The following GOLGA8J variants were observed in gnomAD, a reference collection of about 807,000 sequenced individuals.
The protein encoded by GOLGA8J is golgin subfamily A member 8J.
Under a neutral mutation model 67.7 loss-of-function variants are expected in GOLGA8J, and 19 were observed. That is an observed-to-expected ratio of 0.28 (90% CI 0.20 to 0.41). The LOEUF is 0.41. Among genes scored for constraint, GOLGA8J ranks in the 10% least tolerant of loss-of-function variants. The pLI is 1.00. For missense variants in GOLGA8J, 205 were observed against 584.3 expected (o/e 0.35, Z 6.69); for synonymous variants, 69 against 215.9 (o/e 0.32, Z 5.97).
rs1471039209 is a variant in GOLGA8J at position 30,095,563 on chromosome 15, C to T, written c.*2064C>T. 1.5e-5 allele frequency among the ~76,000 whole-genome samples: 2 copies of T among 129,484 alleles called. No individual in the cohort carries two copies. Among genetic ancestry groups the T allele is most frequent in the Admixed American group, 7.8e-5 (1 of 12,900 alleles). 84.9% of individuals were successfully genotyped at this position (129,484 alleles called of 152,430 possible). A position where few individuals can be genotyped will look rare whatever the true frequency, so the allele number is the denominator to read the frequency against. On this transcript the variant is annotated 3_prime_UTR_variant, in exon 19 of 19. Coordinates refer to ENST00000567927, the MANE Select transcript of GOLGA8J (RefSeq NM_001282472.2). ...CTCGCCTTTTATTTTCTGAACTTGC[C>T]GCTTTTGCATTCTTTGAGTTCAGTT...
rs2057455508 is a variant in GOLGA8J at position 30,095,137 on chromosome 15, A to G, written c.*1638A>G. Among the ~76,000 whole-genome samples, 1 of 146,024 alleles carries G rather than the reference A, an allele frequency of 6.8e-6. No individual in the cohort carries two copies. Among genetic ancestry groups the G allele is most frequent in the Non-Finnish European group, 1.5e-5 (1 of 67,366 alleles). On this transcript the variant is annotated 3_prime_UTR_variant, in exon 19 of 19. Coordinates refer to ENST00000567927, the MANE Select transcript of GOLGA8J (RefSeq NM_001282472.2). The stretch of plus-strand genomic sequence containing the variant: ...GCTTGGGAAAGACTCAACAGTTAAA[A>G]CTTCATGAAGTTCTAATGTCTGTGT...
intron 13 of GOLGA8J, 165 bp downstream of exon 13, chr15:30,090,445 A>T (rs565774584): frequency 2.1e-6 from 2 of 941,200 alleles, no homozygotes; most frequent in East Asian, 2.3e-4. Context: ...CCTGCCTCTG[A>T]CTTTTAAAGG....
Position 30,084,839 on chromosome 15 carries a change from T to C in GOLGA8J, c.117T>C (p.Asn39=). ...GAGCGAACAGGAACAGGAAAACAAA[T>C]GGCAGTATCCCTGAGAAAGCCACTT... ...PAGANRNRKT[N]GSIPEKATSG... Residue 39 remains asparagine, a synonymous_variant, in exon 2 of 19, where the codon AAT becomes AAC. Coordinates refer to ENST00000567927, the MANE Select transcript of GOLGA8J (RefSeq NM_001282472.2). 1.4e-5 allele frequency: 20 copies of C among 1,381,604 alleles called. No homozygotes were observed. The highest frequency in any genetic ancestry group is 1.4e-5 in the Non-Finnish European group (15 of 1,064,066). The allele number at this position is 1,381,604 out of a possible 1,614,324, so 85.6% of individuals were successfully genotyped here. A position where few individuals can be genotyped will look rare whatever the true frequency, so the allele number is the denominator to read the frequency against.
chr15:30,089,949 A>T lies in GOLGA8J; in HGVS notation c.1124A>T (p.Lys375Met), dbSNP rs1257487085. The change falls in exon 12 of 19, where the codon AAG becomes ATG. Residue 375 changes from lysine to methionine, a missense_variant. Transcript: ENST00000567927. Reference sequence around the variant, plus strand: ...CTGGCCAAGCCACAGAGCGTCTTCAAGGAGCCGGTGCGTTGCCCAAACTGG... The same window carrying T: ...CTGGCCAAGCCACAGAGCGTCTTCATGGAGCCGGTGCGTTGCCCAAACTGG... Reference protein sequence around the residue: ...QQLAKPQSVFKEPNNENKNAL... With the variant: ...QQLAKPQSVFMEPNNENKNAL... The T allele has an allele frequency of 3.3e-6, 5 of 1,534,718 alleles. No individual in the cohort carries two copies. The Admixed American group carries it at 8.9e-5, about 27-fold the overall frequency.
At chr15:30,085,287 A>G (rs2057338461) in intron 2 of GOLGA8J, among the ~76,000 whole-genome samples, 1 of 105,046 alleles carries the variant, frequency 9.5e-6, no homozygotes, top group Admixed American at 8.5e-5. Flanking sequence ...CTCAAAGAAA[A>G]AAAAAAAAAG....
At position 30,092,939 on chromosome 15, in the gene GOLGA8J, G is replaced by C; in HGVS notation, c.1518G>C (p.Ala506=). The C allele has an allele frequency of 1.3e-6, 2 of 1,483,064 alleles. No homozygotes were observed. Among genetic ancestry groups the C allele is most frequent in the Non-Finnish European group, 1.8e-6 (2 of 1,115,900 alleles). The allele number at this position is 1,483,064 out of a possible 1,614,324, so 91.9% of individuals were successfully genotyped here. The change falls in exon 17 of 19, where the codon GCG becomes GCC. Residue 506 remains alanine, a synonymous_variant. Coordinates refer to ENST00000567927, the MANE Select transcript of GOLGA8J (RefSeq NM_001282472.2). ...LSEPGGRAKD[A]ALGGGHHQAG... Reference sequence around the variant, plus strand: ...AACCAGGGGGCCGTGCCAAAGATGCGGCACTGGGAGGAGGACACCATCAGG... The same window carrying C: ...AACCAGGGGGCCGTGCCAAAGATGCCGCACTGGGAGGAGGACACCATCAGG...
chr15:30,092,288 G>T (rs1341943414), intron 15 of GOLGA8J, among the ~76,000 whole-genome samples, 155 bp downstream of exon 15: 25 of 142,476 alleles, frequency 1.8e-4, no homozygotes, highest in South Asian at 1.4e-3. Context: ...GTGGCCAACA[G>T]GTGCACTCTC....
rs1318086778 is a variant in GOLGA8J, at chr15:30,084,961, G to A, written c.168+71G>A. 6 of 1,476,028 alleles carry A rather than the reference G, an allele frequency of 4.1e-6. 2 individuals carry two copies. Among genetic ancestry groups the A allele is most frequent in the Non-Finnish European group, 5.3e-6 (6 of 1,128,644 alleles). 91.4% of individuals were successfully genotyped at this position (1,476,028 alleles called of 1,614,324 possible). On this transcript the variant is annotated intron_variant, in intron 2 of 18. Coordinates refer to ENST00000567927, the MANE Select transcript of GOLGA8J (RefSeq NM_001282472.2). Reference sequence around the variant, plus strand: ...GCAGTAGAGGGTAATTGTTAAGATTGTGGATGGACTGCTGGGTACTGGTTA... The same window carrying A: ...GCAGTAGAGGGTAATTGTTAAGATTATGGATGGACTGCTGGGTACTGGTTA...
chr15:30,088,110 T>G, intron 8 of GOLGA8J: 3 of 419,444 alleles, frequency 7.2e-6, no homozygotes, highest in Non-Finnish European at 9.0e-6. Flanking sequence ...AAAACATGTC[T>G]GCAAGGGTTC....
Position 30,094,854 on chromosome 15 carries a change from GAGA to G in GOLGA8J, c.*1358_*1360del, listed in dbSNP as rs927088213. ...TATTGTACTCTCTTTGAAAATCAAG[GAGA>G]AGTTTATGAAACTTAAAATGTGTAC... On this transcript the variant is annotated 3_prime_UTR_variant, in exon 19 of 19. Transcript: ENST00000567927. Among the ~76,000 whole-genome samples the G allele has an allele frequency of 6.5e-4, 91 of 139,370 alleles. 1 individual carries two copies. Among genetic ancestry groups the G allele is most frequent in the African/African-American group, 2.7e-3 (85 of 31,936 alleles). 91.4% of individuals were successfully genotyped at this position (139,370 alleles called of 152,430 possible).
rs753415144 is a variant in GOLGA8J at position 30,093,283 on chromosome 15, G to T, written c.1724-41G>T. 1.5e-5 allele frequency: 23 copies of T among 1,567,828 alleles called. 1 individual carries two copies. In the Admixed American group the frequency reaches 2.9e-4, roughly 20 times the overall value. ...TGGGGTGGGCAGGCAGGAAGAGGGG[G>T]CTCCCACTGTGCTCAGATCCCTGCC... On this transcript the variant is annotated intron_variant, in intron 18 of 18. Transcript: ENST00000567927.
chr15:30,087,769 A>C lies in GOLGA8J; in HGVS notation c.591+85A>C, dbSNP rs2912166. 631 of 669,296 alleles carry C rather than the reference A, an allele frequency of 9.4e-4. 13 individuals are homozygous for C. The highest frequency in any genetic ancestry group is 6.1e-3 in the African/African-American group (295 of 48,258). The allele number at this position is 669,296 out of a possible 1,614,324, so 41.5% of individuals were successfully genotyped here. A position where few individuals can be genotyped will look rare whatever the true frequency, so the allele number is the denominator to read the frequency against. ...CCTAAAGGTCCCTTCTGCAGGATGG[A>C]GTGTCCTGCCCAGAAGGCAGCATGG... On this transcript the variant is annotated intron_variant, in intron 8 of 18. Coordinates refer to ENST00000567927, the MANE Select transcript of GOLGA8J (RefSeq NM_001282472.2).
Position 30,089,795 on chromosome 15 carries a change from G to C in GOLGA8J, c.970G>C (p.Ala324Pro). 6.4e-7 allele frequency: 1 copy of C among 1,557,350 alleles called. No individual in the cohort carries two copies. ...ELERVAGELQAQVKNNQRISL... is the reference protein window; with the variant it reads ...ELERVAGELQPQVKNNQRISL... ...AGAGAGAGTGGCAGGAGAGCTCCAG[G>C]CCCAGGTCAAAAACAATCAGCGCAT... The change falls in exon 12 of 19, where the codon GCC becomes CCC. Residue 324 changes from alanine (A) to proline (P), a missense_variant. Coordinates refer to ENST00000567927, the MANE Select transcript of GOLGA8J (RefSeq NM_001282472.2).
In GOLGA8J at chr15:30,089,887, G is replaced by A. The variant is rs1323754541; in HGVS notation, c.1062G>A (p.Glu354=). ...AGGAAGAGAGGCTTCGGAAGCAGGA[G>A]GAGAGGATTCAGGAGCAGCACAAGA... is the stretch of plus-strand genomic sequence containing the variant. The part of the protein sequence containing the change: ...REQEERLRKQ[E]ERIQEQHKSL... The change falls in exon 12 of 19, where the codon GAG becomes GAA. Residue 354 remains glutamate (E), a synonymous_variant. Coordinates refer to ENST00000567927, the MANE Select transcript of GOLGA8J (RefSeq NM_001282472.2). The A allele has an allele frequency of 9.2e-6, 14 of 1,528,292 alleles. 3 individuals are homozygous for A. The highest frequency in any genetic ancestry group is 1.1e-5 in the Non-Finnish European group (13 of 1,145,710). 94.7% of individuals were successfully genotyped at this position (1,528,292 alleles called of 1,614,324 possible).
Position 30,093,374 on chromosome 15 carries a change from G to A in GOLGA8J, c.1774G>A (p.Asp592Asn). ...CTCTGCCCAAGGAGAGGCCAGGGAG[G>A]ATCCTCTCCTTGACAAGCCTACTGC... ...TSSAQGEARE[D>N]PLLDKPTAQP... is the part of the protein sequence containing the mutation. Residue 592 changes from aspartate (D) to asparagine (N), a missense_variant, in exon 19 of 19, where the codon GAT (aspartate) becomes AAT (asparagine). Asp to Asn is a conservative substitution (Grantham distance 23). Coordinates refer to ENST00000567927, the MANE Select transcript of GOLGA8J (RefSeq NM_001282472.2). 1 of 1,519,694 alleles carries A rather than the reference G, an allele frequency of 6.6e-7. No homozygotes were observed. The highest frequency in any genetic ancestry group is 8.8e-7 in the Non-Finnish European group (1 of 1,137,590). 94.1% of individuals were successfully genotyped at this position (1,519,694 alleles called of 1,614,324 possible).
rs576300893 is a variant in GOLGA8J at position 30,095,501 on chromosome 15, G to C, written c.*2002G>C. ...CAGCTAATTAACAGTGGTACGATTT[G>C]TAGCCCGTGGGTTTAAAATGCACTT... On this transcript the variant is annotated 3_prime_UTR_variant, in exon 19 of 19. Coordinates refer to ENST00000567927, the MANE Select transcript of GOLGA8J (RefSeq NM_001282472.2). 2.8e-3 allele frequency among the ~76,000 whole-genome samples: 403 copies of C among 144,912 alleles called. 6 individuals are homozygous for C. The highest frequency in any genetic ancestry group is 1.0e-2 in the African/African-American group (380 of 38,090).
intron 2 of GOLGA8J, 48 bp downstream of exon 2, chr15:30,084,938 A>G: frequency 6.7e-7 from 1 of 1,494,666 alleles, no homozygotes; most frequent in Non-Finnish European, 8.8e-7. Flanking sequence ...CCCAAGGGGC[A>G]GTAGAGGGTA....
intron 13 of GOLGA8J, among the ~76,000 whole-genome samples, chr15:30,090,799 G>A (rs2057393338): frequency 7.9e-6 from 1 of 126,746 alleles, no homozygotes; most frequent in Admixed American, 7.5e-5. Context: ...GGAGGTTGCA[G>A]TGAGCTGAGA....
rs1456733723 is a variant in GOLGA8J, at chr15:30,096,174, T to C, written c.*2675T>C. ...TAAACTGTGAGTTCCACTGAATACA[T>C]TTTAATGTCTGTAGGAAGAATCAAA... On this transcript the variant is annotated 3_prime_UTR_variant, in exon 19 of 19. Coordinates refer to ENST00000567927, the MANE Select transcript of GOLGA8J (RefSeq NM_001282472.2). Among the ~76,000 whole-genome samples, 1 of 148,140 alleles carries C rather than the reference T, an allele frequency of 6.8e-6. No individual in the cohort carries two copies. The highest frequency in any genetic ancestry group is 2.6e-5 in the African/African-American group (1 of 39,116).
Sources: gnomAD v4.1 joint callset for allele counts (sites outside exome capture counted in the v4.1 genomes callset) on GRCh38, gnomAD v4.1.1 for gene constraint, MANE v1.5 for transcripts, NCBI Gene and HGNC (gene_info 2026-07-23, HGNC 2026-07-21) for gene names.